Variants in COL13A1 observed in about 807,000 individuals in gnomAD.
The protein encoded by COL13A1 is collagen alpha-1(XIII) chain.
A neutral mutation model predicts 130.9 loss-of-function variants in COL13A1; 89 were observed. That is an observed-to-expected ratio of 0.68 (90% CI 0.57 to 0.81). The LOEUF is 0.81. COL13A1 is among the 30% of genes least tolerant of loss of function. The probability of loss-of-function intolerance (pLI) is 0.00; values close to 1 mark genes in which losing one functional copy is unlikely to be tolerated. For missense variants in COL13A1, 879 were observed against 934.6 expected (o/e 0.94, Z 0.78); for synonymous variants, 402 against 341.6 (o/e 1.18, Z -1.95).
At chr10:69,888,144 A>T (rs1354099110) in intron 8 of COL13A1, among the ~76,000 whole-genome samples, 160 bp from the exon 9 acceptor site, 1 of 152,320 alleles carries the variant, frequency 6.6e-6, no homozygotes, top group East Asian at 1.9e-4. Context: ...GTTGAGGCCT[A>T]GGCTTACCCA....
chr10:69,935,524 C>T, intron 32 of COL13A1, 133 bp downstream of exon 32: 2 of 651,486 alleles, frequency 3.1e-6, no homozygotes, highest in East Asian at 6.2e-5. Flanking sequence ...ACAAACCCCT[C>T]CCCGCTCCTT....
At chr10:69,841,582 G>A (rs557121728) in intron 2 of COL13A1, among the ~76,000 whole-genome samples, 69 of 152,288 alleles carry the variant, frequency 4.5e-4, no homozygotes, top group African/African-American at 6.7e-4. Context: ...CTGGTAACCC[G>A]AGGGTGAGCA....
chr10:69,875,759 G>C (rs958991079), intron 5 of COL13A1, among the ~76,000 whole-genome samples: 2 of 152,238 alleles, frequency 1.3e-5, no homozygotes, highest in African/African-American at 4.8e-5. Flanking sequence ...CCCAGAAATG[G>C]GAAGGCCAGC....
intron 4 of COL13A1, among the ~76,000 whole-genome samples, chr10:69,873,910 A>G (rs917686511): frequency 6.6e-6 from 1 of 152,222 alleles, no homozygotes; most frequent in Admixed American, 6.5e-5. Flanking sequence ...ACACAAGCAG[A>G]TGCCATTTAT....
intron 1 of COL13A1, among the ~76,000 whole-genome samples, chr10:69,808,940 T>C (rs1842285384): frequency 6.6e-6 from 1 of 152,252 alleles, no homozygotes; most frequent in Non-Finnish European, 1.5e-5. Flanking sequence ...CCAGGCTGCA[T>C]GCCTTGTCCT....
At chr10:69,913,578 C>A (rs999687329) in intron 17 of COL13A1, among the ~76,000 whole-genome samples, 1 of 152,336 alleles carries the variant, frequency 6.6e-6, no homozygotes, top group Non-Finnish European at 1.5e-5. Flanking sequence ...CTGTCCTCCT[C>A]GGGCAATAAC....
intron 4 of COL13A1, among the ~76,000 whole-genome samples, chr10:69,872,414 T>A (rs996073472): frequency 6.6e-6 from 1 of 152,204 alleles, no homozygotes; most frequent in African/African-American, 2.4e-5. Flanking sequence ...TGCTGGGGCA[T>A]CTTTAGCTAC....
At chr10:69,874,356 C>G (rs1238744987) in intron 4 of COL13A1, among the ~76,000 whole-genome samples, 1 of 152,162 alleles carries the variant, frequency 6.6e-6, no homozygotes, top group Non-Finnish European at 1.5e-5. Context: ...TTCCATCCTT[C>G]CAGGCTCCCA....
intron 2 of COL13A1, among the ~76,000 whole-genome samples, chr10:69,847,828 A>G (rs1358259588): frequency 6.6e-6 from 1 of 152,182 alleles, no homozygotes; most frequent in African/African-American, 2.4e-5. Context: ...AAAGAAACCT[A>G]AAGAAAACCT....
At chr10:69,852,105 C>T (rs2683565) in intron 2 of COL13A1, among the ~76,000 whole-genome samples, 35,176 of 152,034 alleles carry the variant, frequency 0.23, 4,197 homozygotes, top group African/African-American at 0.26. Flanking sequence ...TGGACTCTCT[C>T]GTGCCGCCTC....
intron 26 of COL13A1, 100 bp downstream of exon 26, chr10:69,925,972 T>TGACCTCAG: frequency 1.0e-6 from 1 of 980,266 alleles, no homozygotes; most frequent in Non-Finnish European, 1.6e-6. Context: ...GTAGGGGCCC[T>TGACCTCAG]GCCCTCAGGC....
At chr10:69,854,373 C>T (rs113212716) in intron 2 of COL13A1, among the ~76,000 whole-genome samples, 1 of 152,188 alleles carries the variant, frequency 6.6e-6, no homozygotes, top group African/African-American at 2.4e-5. Context: ...CAAGACCAGC[C>T]TAGGCAACAC....
chr10:69,837,231 T>C lies in COL13A1; in HGVS notation c.364+14793T>C, dbSNP rs757228603. On this transcript the variant is annotated intron_variant, in intron 2 of 40. Transcript: ENST00000645393. Reference sequence around the variant, plus strand: ...TCTGGACAATGAGGCCCCATCAGCATCCCATGGGGGACCTTACCAATGATC... The same window carrying C: ...TCTGGACAATGAGGCCCCATCAGCACCCCATGGGGGACCTTACCAATGATC... Among the ~76,000 whole-genome samples, 8 of 152,212 alleles carry C rather than the reference T, an allele frequency of 5.3e-5. No homozygotes were observed. The South Asian group carries it at 1.2e-3, about 24-fold the overall frequency.
intron 38 of COL13A1, among the ~76,000 whole-genome samples, chr10:69,949,950 G>GTGTGTGTGTGGGTGTGCA (rs1491413744): frequency 9.3e-6 from 1 of 107,402 alleles, no homozygotes; most frequent in Non-Finnish European, 2.3e-5. Context: ...GTGTGTGTGC[G>GTGTGTGTGTGGGTGTGCA]TGTGTTTGTG....
intron 40 of COL13A1, among the ~76,000 whole-genome samples, chr10:69,957,574 T>A (rs1027836597): frequency 6.6e-6 from 1 of 152,228 alleles, no homozygotes; most frequent in African/African-American, 2.4e-5. Context: ...CTCCCAGAGT[T>A]CCTACCAACA....
intron 21 of COL13A1, among the ~76,000 whole-genome samples, chr10:69,921,543 C>T (rs1223540520): frequency 6.6e-6 from 1 of 152,218 alleles, no homozygotes; most frequent in Admixed American, 6.5e-5. Context: ...CTGAACTGCT[C>T]ACCTCTCCCA....
chr10:69,931,317 T>C (rs2135852205), intron 30 of COL13A1: 1 of 429,948 alleles, frequency 2.3e-6, no homozygotes, highest in Middle Eastern at 7.2e-4. Flanking sequence ...AGGGTCCTCC[T>C]GGGGGCCACC....
At chr10:69,835,305 C>T (rs10998990) in intron 2 of COL13A1, among the ~76,000 whole-genome samples, 11,581 of 152,046 alleles carry the variant, frequency 0.076, 705 homozygotes, top group East Asian at 0.22. Flanking sequence ...GGGAAGAGCC[C>T]GCGACCTCTG....
At chr10:69,804,018 A>G (rs1463156346) in intron 1 of COL13A1, among the ~76,000 whole-genome samples, 1 of 152,062 alleles carries the variant, frequency 6.6e-6, no homozygotes, top group African/African-American at 2.4e-5. Context: ...TCACAGGGCA[A>G]GCGTACTGGT....
Sources: allele counts gnomAD v4.1 joint callset (sites outside exome capture counted in the v4.1 genomes callset), GRCh38; gene constraint gnomAD v4.1.1; transcripts MANE v1.5; gene names NCBI Gene and HGNC (gene_info 2026-07-23, HGNC 2026-07-21).